The following SGCZ variants were observed in gnomAD, a reference collection of about 807,000 sequenced individuals.
The protein encoded by SGCZ is zeta-sarcoglycan.
A neutral mutation model predicts 41.3 loss-of-function variants in SGCZ; 40 were observed. That is an observed-to-expected ratio of 0.97 (90% CI 0.75 to 1.26). The LOEUF (loss-of-function observed/expected upper bound fraction) is 1.26. SGCZ is among the 50% of genes most tolerant of loss of function. SGCZ has a pLI of 0.00. For synonymous variants in SGCZ, 206 were observed against 137.5 expected (o/e 1.50, Z -3.49); for missense variants, 552 against 369.8 (o/e 1.49, Z -4.04).
At chr8:14,105,281 G>A (rs1277272372) in intron 6 of SGCZ, among the ~76,000 whole-genome samples, 1 of 152,042 alleles carries the variant, frequency 6.6e-6, no homozygotes, top group Non-Finnish European at 1.5e-5. Context: ...GAATAAATAA[G>A]TTATAGAAAT....
chr8:14,732,646 C>G (rs936361781), intron 1 of SGCZ, among the ~76,000 whole-genome samples: 2 of 152,164 alleles, frequency 1.3e-5, no homozygotes, highest in Non-Finnish European at 2.9e-5. Context: ...TTTTCGTGAA[C>G]TGATGCAGGG....
chr8:14,634,413 A>G (rs1806760218), intron 1 of SGCZ, among the ~76,000 whole-genome samples: 2 of 151,804 alleles, frequency 1.3e-5, no homozygotes, highest in Admixed American at 6.6e-5. Flanking sequence ...CCCACACTCA[A>G]CGCCACACAT....
rs144375755 is a variant in SGCZ, at chr8:15,112,130, C to A, written c.39+125455G>T. On this transcript the variant is annotated intron_variant, in intron 1 of 7. Coordinates refer to ENST00000382080, the MANE Select transcript of SGCZ (RefSeq NM_139167.4). ...CAGCCTCCAACTAAAATGTTCACAT[C>A]TATTTTGCAATATTAGTTATATAAG... Among the ~76,000 whole-genome samples, 403 of 152,274 alleles carry A rather than the reference C, an allele frequency of 2.6e-3. 1 individual carries two copies. The highest frequency in any genetic ancestry group is 9.2e-3 in the African/African-American group (383 of 41,574).
At chr8:14,407,163 G>A (rs1360882575) in intron 2 of SGCZ, among the ~76,000 whole-genome samples, 2 of 149,962 alleles carry the variant, frequency 1.3e-5, no homozygotes, top group Non-Finnish European at 3.0e-5. Context: ...CCACCTCCTG[G>A]GTTCAAGCTA....
intron 1 of SGCZ, among the ~76,000 whole-genome samples, chr8:14,858,648 G>A (rs903421185): frequency 4.6e-5 from 7 of 152,018 alleles, no homozygotes; most frequent in African/African-American, 1.2e-4. Context: ...CCTTTCCTAC[G>A]TGGTTGCATT....
intron 1 of SGCZ, among the ~76,000 whole-genome samples, chr8:15,151,687 A>C (rs1322276009): frequency 6.6e-6 from 1 of 152,222 alleles, no homozygotes; most frequent in Non-Finnish European, 1.5e-5. Flanking sequence ...CCAACTATAT[A>C]ATGACACAGT....
At chr8:14,625,113 T>G (rs1461428188) in intron 1 of SGCZ, among the ~76,000 whole-genome samples, 3 of 152,208 alleles carry the variant, frequency 2.0e-5, no homozygotes, top group Non-Finnish European at 4.4e-5. Context: ...AAACTGATAA[T>G]ACTGTGGTTG....
intron 4 of SGCZ, among the ~76,000 whole-genome samples, chr8:14,202,731 G>A (rs73664175): frequency 0.024 from 3,711 of 151,902 alleles, 162 homozygotes; most frequent in African/African-American, 0.084. Context: ...CTTTTTTGTG[G>A]GTGTTTACAA....
intron 4 of SGCZ, among the ~76,000 whole-genome samples, chr8:14,237,111 G>C (rs993275207): frequency 6.6e-6 from 1 of 152,032 alleles, no homozygotes; most frequent in Non-Finnish European, 1.5e-5. Context: ...GTTATCTCAT[G>C]TTTCCTTAAG....
intron 1 of SGCZ, among the ~76,000 whole-genome samples, chr8:14,764,765 G>A (rs1799990900): frequency 6.6e-6 from 1 of 151,944 alleles, no homozygotes; most frequent in Non-Finnish European, 1.5e-5. Context: ...ACTTAAATAT[G>A]GTCTAAAAAT....
chr8:14,700,159 C>T (rs6991474), intron 1 of SGCZ, among the ~76,000 whole-genome samples: 121,467 of 151,862 alleles, frequency 0.8, 49,066 homozygotes, highest in African/African-American at 0.92. Flanking sequence ...TGCACTAGAA[C>T]GCTCGCTGCA....
At chr8:14,292,309 T>A (rs1453333016) in intron 3 of SGCZ, among the ~76,000 whole-genome samples, 1 of 152,008 alleles carries the variant, frequency 6.6e-6, no homozygotes, top group African/African-American at 2.4e-5. Flanking sequence ...TGAGAGTAGC[T>A]ACTCAATTAC....
At chr8:14,958,011 G>C (rs995711099) in intron 1 of SGCZ, among the ~76,000 whole-genome samples, 1 of 151,938 alleles carries the variant, frequency 6.6e-6, no homozygotes, top group African/African-American at 2.4e-5. Flanking sequence ...AAAGAAATTA[G>C]CACACTAAAA....
intron 4 of SGCZ, among the ~76,000 whole-genome samples, chr8:14,236,450 T>TA (rs534954827): frequency 6.2e-4 from 94 of 152,006 alleles, no homozygotes; most frequent in African/African-American, 2.1e-3. Flanking sequence ...AACAAATATT[T>TA]AAAAAAAACC....
chr8:14,847,879 T>C (rs1803189353), intron 1 of SGCZ, among the ~76,000 whole-genome samples: 1 of 151,080 alleles, frequency 6.6e-6, no homozygotes, highest in Non-Finnish European at 1.5e-5. Context: ...GTCAACATTG[T>C]ACTTGAGGTA....
At chr8:14,607,134 T>C (rs941648232) in intron 1 of SGCZ, among the ~76,000 whole-genome samples, 1 of 152,122 alleles carries the variant, frequency 6.6e-6, no homozygotes. Flanking sequence ...GATAATAACT[T>C]TTATCTTGTG....
chr8:14,384,169 T>C (rs987254841), intron 2 of SGCZ, among the ~76,000 whole-genome samples: 13 of 151,976 alleles, frequency 8.6e-5, no homozygotes, highest in African/African-American at 3.1e-4. Context: ...CCTGTGTCCA[T>C]GTGTTCTCAT....
At chr8:14,937,155 A>C (rs1800109167) in intron 1 of SGCZ, among the ~76,000 whole-genome samples, 3 of 151,996 alleles carry the variant, frequency 2.0e-5, no homozygotes. Context: ...AACATTGTTC[A>C]ACAGAAAAGA....
At chr8:14,684,628 A>G (rs1674158198) in intron 1 of SGCZ, among the ~76,000 whole-genome samples, 1 of 152,216 alleles carries the variant, frequency 6.6e-6, no homozygotes, top group South Asian at 2.1e-4. Flanking sequence ...ATAGCTTTAA[A>G]AAGTTCATCT....
Sources: gnomAD v4.1 joint callset for allele counts (sites outside exome capture counted in the v4.1 genomes callset) on GRCh38, gnomAD v4.1.1 for gene constraint, MANE v1.5 for transcripts, NCBI Gene and HGNC (gene_info 2026-07-23, HGNC 2026-07-21) for gene names.